SEPTIN9: variants seen among roughly 807,000 people sequenced by gnomAD.
SEPTIN9 encodes the protein septin-9.
SEPTIN9 carries 13 observed loss-of-function variants against 56.6 expected under a neutral mutation model. The ratio of observed to expected loss-of-function variants is 0.23; its 90% CI spans 0.15 to 0.37. The LOEUF is 0.37. Among genes scored for constraint, SEPTIN9 ranks in the 10% least tolerant of loss-of-function variants. SEPTIN9 has a pLI of 1.00. For missense variants in SEPTIN9, 650 were observed against 823.1 expected (o/e 0.79, Z 2.57); for synonymous variants, 332 against 334.1 (o/e 0.99, Z 0.07).
intron 3 of SEPTIN9, among the ~76,000 whole-genome samples, chr17:77,428,562 G>A (rs1014213722): frequency 5.9e-5 from 9 of 152,380 alleles, no homozygotes; most frequent in Middle Eastern, 3.4e-3. Context: ...GATGTTAGCT[G>A]TGCAGGCAAC....
chr17:77,284,098 C>T (rs1424426342), intron 1 of SEPTIN9, among the ~76,000 whole-genome samples: 1 of 152,110 alleles, frequency 6.6e-6, no homozygotes, highest in Non-Finnish European at 1.5e-5. Context: ...CCCAGCTACT[C>T]AGGAGGCTGA....
intron 2 of SEPTIN9, chr17:77,373,339 T>C (rs2066672793): frequency 1.7e-6 from 2 of 1,173,460 alleles, no homozygotes; most frequent in Admixed American, 9.3e-5. Flanking sequence ...CCTCCCCCAT[T>C]CATTCAGCTG....
At chr17:77,431,830 CAAAAA>C (rs61461406) in intron 3 of SEPTIN9, among the ~76,000 whole-genome samples, 2 of 55,246 alleles carry the variant, frequency 3.6e-5, no homozygotes, top group Admixed American at 1.9e-4. Context: ...AATGCTGTCT[CAAAAA>C]AAAAAAAAAA....
intron 3 of SEPTIN9, among the ~76,000 whole-genome samples, chr17:77,430,711 C>G (rs1021498878): frequency 6.6e-6 from 1 of 152,130 alleles, no homozygotes; most frequent in Non-Finnish European, 1.5e-5. Flanking sequence ...AAGAAGCAGG[C>G]CGAGGGTGGT....
intron 1 of SEPTIN9, chr17:77,286,343 CG>C (rs1275500743): frequency 7.9e-5 from 12 of 152,476 alleles, no homozygotes; most frequent in African/African-American, 2.9e-4. Flanking sequence ...TTCTGATAGC[CG>C]AGGGCAATGC....
rs962293541 is a variant in SEPTIN9, at chr17:77,421,211, T to C, written c.721+18508T>C. Among the ~76,000 whole-genome samples the C allele has an allele frequency of 1.3e-5, 2 of 151,976 alleles. No homozygotes were observed. The highest frequency in any genetic ancestry group is 2.9e-5 in the Non-Finnish European group (2 of 67,990). ...CTGTGTAAGGCGCCATGGGGTGAAATGAAAGAAAACCCCAGTTAGAAGGTG... is the reference window on the plus strand; with the variant it reads ...CTGTGTAAGGCGCCATGGGGTGAAACGAAAGAAAACCCCAGTTAGAAGGTG... On this transcript the variant is annotated intron_variant, in intron 3 of 11. Transcript: ENST00000427177. This position sits in a 1 kb window ranked among gnomAD's most constrained non-coding sequence, Gnocchi z 4.6.
chr17:77,392,638 GA>G (rs1303510071), intron 2 of SEPTIN9, among the ~76,000 whole-genome samples: 1 of 152,132 alleles, frequency 6.6e-6, no homozygotes, highest in Non-Finnish European at 1.5e-5. Flanking sequence ...TGGGAAGGCA[GA>G]GGGGGAGGGG....
intron 2 of SEPTIN9, chr17:77,320,162 G>A (rs1012751027): frequency 1.3e-6 from 2 of 1,530,308 alleles, no homozygotes; most frequent in Non-Finnish European, 1.8e-6. Flanking sequence ...GGATGCATTC[G>A]TGATTGCAAC....
At position 77,313,473 on chromosome 17, in the gene SEPTIN9, T is replaced by G. The variant is rs1203127795; in HGVS notation, c.76+6276T>G. On this transcript the variant is annotated intron_variant, in intron 2 of 11. Transcript: ENST00000427177. The surrounding 1 kb of genome is among the most constrained non-coding windows in gnomAD (Gnocchi z 4.5). ...TATTTATTTAGGAACAGCCAAAGTC[T>G]GAGGCACAATAAAAAGTGGAGAAAG... Among the ~76,000 whole-genome samples the G allele has an allele frequency of 1.3e-5, 2 of 152,208 alleles. No individual in the cohort carries two copies. The highest frequency in any genetic ancestry group is 4.8e-5 in the African/African-American group (2 of 41,460).
chr17:77,339,699 AG>A (rs201249464), intron 2 of SEPTIN9, among the ~76,000 whole-genome samples: 1,576 of 151,940 alleles, frequency 0.01, 26 homozygotes, highest in African/African-American at 0.035. Context: ...TTGTAGAAAC[AG>A]GGTTTCACCA....
intron 3 of SEPTIN9, among the ~76,000 whole-genome samples, chr17:77,480,565 G>A (rs2039414454): frequency 6.6e-6 from 1 of 152,238 alleles, no homozygotes; most frequent in South Asian, 2.1e-4. Flanking sequence ...AGTGGGCGTG[G>A]GCCGGGAGGG....
intron 2 of SEPTIN9, among the ~76,000 whole-genome samples, chr17:77,372,405 G>A (rs1297036067): frequency 6.6e-6 from 1 of 151,590 alleles, no homozygotes. Flanking sequence ...GGATGATATA[G>A]TTTAAGGGTA....
At chr17:77,454,054 G>T in intron 3 of SEPTIN9, 1 of 985,498 alleles carries the variant, frequency 1.0e-6, no homozygotes, top group Non-Finnish European at 1.2e-6. Flanking sequence ...TCCCTGGCCG[G>T]GAGTGTGGGA....
rs2034724690 is a variant in SEPTIN9 at position 77,371,715 on chromosome 17, A to G, written c.77-30344A>G. Among the ~76,000 whole-genome samples the G allele has an allele frequency of 6.6e-6, 1 of 152,288 alleles. No homozygotes were observed. ...ATACGGGGTGCTATTAATGGCAGCA[A>G]TGGCTGCATTTCTGAAACCCGGGCT... On this transcript the variant is annotated intron_variant, in intron 2 of 11. Transcript: ENST00000427177. The surrounding 1 kb of genome is among the most constrained non-coding windows in gnomAD (Gnocchi z 4.1).
intron 2 of SEPTIN9, among the ~76,000 whole-genome samples, chr17:77,377,847 A>T (rs1252553713): frequency 6.6e-6 from 1 of 152,058 alleles, no homozygotes; most frequent in Non-Finnish European, 1.5e-5. Flanking sequence ...TTCAGCCAAG[A>T]CTCAAGGCAT....
At chr17:77,293,154 C>T (rs1176864339) in intron 1 of SEPTIN9, among the ~76,000 whole-genome samples, 3 of 152,046 alleles carry the variant, frequency 2.0e-5, no homozygotes, top group Admixed American at 6.6e-5. Context: ...GTAGCTCGGA[C>T]TATAGGTGCA....
intron 2 of SEPTIN9, among the ~76,000 whole-genome samples, chr17:77,368,309 G>GTT (rs1389303207): frequency 2.1e-5 from 3 of 145,480 alleles, no homozygotes; most frequent in South Asian, 4.6e-4. Flanking sequence ...TGTCTTTTTT[G>GTT]TTTTTGTTTT....
At chr17:77,287,195 A>T (rs2031319579) in intron 1 of SEPTIN9, among the ~76,000 whole-genome samples, 1 of 152,136 alleles carries the variant, frequency 6.6e-6, no homozygotes, top group Non-Finnish European at 1.5e-5. Context: ...GGGTGGAGGG[A>T]CTTGGTGGGC....
chr17:77,291,630 C>T (rs2031560987), intron 1 of SEPTIN9, among the ~76,000 whole-genome samples: 1 of 152,008 alleles, frequency 6.6e-6, no homozygotes, highest in Admixed American at 6.5e-5. Flanking sequence ...GAAACTCCGT[C>T]TCAAAAAATT....
Sources: allele counts gnomAD v4.1 joint callset (sites outside exome capture counted in the v4.1 genomes callset), GRCh38; gene constraint gnomAD v4.1.1; non-coding constraint Gnocchi (gnomAD v3.1); transcripts MANE v1.5; gene names NCBI Gene and HGNC (gene_info 2026-07-23, HGNC 2026-07-21).